SESTD1: variants seen among roughly 807,000 people sequenced by gnomAD.
SESTD1 encodes SEC14 and spectrin domain containing 1, also known as SEC14 domain and spectrin repeat-containing protein 1.
SESTD1 carries 43 observed loss-of-function variants against 101.7 expected under a neutral mutation model. The observed-to-expected ratio is 0.42, with a 90% CI of 0.33 to 0.55. SESTD1 has a LOEUF of 0.55. SESTD1 is among the 20% of genes least tolerant of loss of function. The pLI is 0.07. For synonymous variants in SESTD1, 283 were observed against 286.8 expected (o/e 0.99, Z 0.13); for missense variants, 647 against 815.1 (o/e 0.79, Z 2.51).
In SESTD1 at chr2:179,201,134, AAAG is replaced by A. The variant is rs1243775569; in HGVS notation, c.-25-9271_-25-9269del. Among the ~76,000 whole-genome samples, 22 of 135,142 alleles carry A rather than the reference AAAG, an allele frequency of 1.6e-4. 4 individuals are homozygous for A. Among genetic ancestry groups the A allele is most frequent in the Non-Finnish European group, 3.2e-5 (2 of 62,928 alleles). 88.7% of individuals were successfully genotyped at this position (135,142 alleles called of 152,430 possible). On this transcript the variant is annotated intron_variant, in intron 1 of 17. Transcript: ENST00000428443. The stretch of plus-strand genomic sequence containing the variant: ...GAAGGACATGAACAGACACTTCTCA[AAAG>A]AAGACATTAATGCAGCCAAAAAACA...
At chr2:179,222,589 A>C in intron 1 of SESTD1, among the ~76,000 whole-genome samples, 1 of 152,178 alleles carries the variant, frequency 6.6e-6, no homozygotes, top group East Asian at 1.9e-4. Flanking sequence ...TTATATTCCA[A>C]GAATATTCTT....
In SESTD1 at chr2:179,120,666, G is replaced by C. The variant is rs530703466; in HGVS notation, c.1442+1104C>G. Among the ~76,000 whole-genome samples the C allele has an allele frequency of 1.2e-4, 19 of 152,324 alleles. 1 individual carries two copies. The highest frequency in any genetic ancestry group is 4.6e-4 in the African/African-American group (19 of 41,554). ...TTCTCTGAACTTTAAGTAAGATACA[G>C]CATTTATTACGTTGGTAATGCTGGT... On this transcript the variant is annotated intron_variant, in intron 13 of 17. Transcript: ENST00000428443.
At chr2:179,225,430 T>C (rs556562657) in intron 1 of SESTD1, among the ~76,000 whole-genome samples, 6 of 152,212 alleles carry the variant, frequency 3.9e-5, no homozygotes, top group Non-Finnish European at 5.9e-5. Context: ...TTTAAAGATA[T>C]GACATTAAGG....
intron 1 of SESTD1, among the ~76,000 whole-genome samples, chr2:179,261,203 T>G (rs1225315681): frequency 6.6e-6 from 1 of 152,204 alleles, no homozygotes; most frequent in African/African-American, 2.4e-5. Context: ...TATTTGAAAA[T>G]GCGTAATAAA....
chr2:179,192,722 C>A (rs77085942), intron 1 of SESTD1, among the ~76,000 whole-genome samples: 13,943 of 152,210 alleles, frequency 0.092, 2,107 homozygotes, highest in African/African-American at 0.32. Context: ...GCCCAGTATA[C>A]CATCAAATTT....
chr2:179,213,223 C>T lies in SESTD1; in HGVS notation c.-25-21357G>A, dbSNP rs577683685. Among the ~76,000 whole-genome samples the T allele has an allele frequency of 2.5e-3, 334 of 134,564 alleles. 70 individuals carry two copies. Among genetic ancestry groups the T allele is most frequent in the Non-Finnish European group, 4.2e-3 (261 of 62,626 alleles). The allele number at this position is 134,564 out of a possible 152,430, so 88.3% of individuals were successfully genotyped here. On this transcript the variant is annotated intron_variant, in intron 1 of 17. Transcript: ENST00000428443. Reference sequence around the variant, plus strand: ...TCCGAGCTAAAGGGGCATGTTCTAACCCATCGCAAGGAAGCTAAAATTCTT... The same window carrying T: ...TCCGAGCTAAAGGGGCATGTTCTAATCCATCGCAAGGAAGCTAAAATTCTT...
chr2:179,227,281 A>G (rs1259537224), intron 1 of SESTD1, among the ~76,000 whole-genome samples: 3 of 152,144 alleles, frequency 2.0e-5, no homozygotes, highest in African/African-American at 7.2e-5. Context: ...ATTCACTATT[A>G]CCCCCCACCT....
chr2:179,124,257 T>C, intron 11 of SESTD1, 107 bp downstream of exon 11: 1 of 1,029,404 alleles, frequency 9.7e-7, no homozygotes, highest in Non-Finnish European at 1.4e-6. Flanking sequence ...ATTCATTTTA[T>C]TGGTTCAGAA....
At chr2:179,201,250 A>G (rs573150009) in intron 1 of SESTD1, among the ~76,000 whole-genome samples, 12,670 of 131,346 alleles carry the variant, frequency 0.096, 4,130 homozygotes, top group African/African-American at 0.38. Flanking sequence ...TCAGAATGGC[A>G]ATCATTAAAA....
chr2:179,138,668 C>A (rs79466044), intron 9 of SESTD1, among the ~76,000 whole-genome samples: 1,735 of 152,088 alleles, frequency 0.011, 34 homozygotes, highest in African/African-American at 0.04. Context: ...AATACTTCTG[C>A]AGCCTGGGAA....
rs754675307 is a variant in SESTD1 at position 179,102,167 on chromosome 2, C to T, written c.*7732G>A. On this transcript the variant is annotated 3_prime_UTR_variant, in exon 18 of 18. Transcript: ENST00000428443. ...AGAACCTATTTCTGACAACATGAGA[C>T]GTAGAGAAAGCACTGAACTTCTGTG... The T allele has an allele frequency of 2.0e-5, 3 of 152,162 alleles. No homozygotes were observed. The highest frequency in any genetic ancestry group is 2.1e-4 in the South Asian group (1 of 4,824). 9.4% of individuals were successfully genotyped at this position (152,162 alleles called of 1,614,324 possible). A position where few individuals can be genotyped will look rare whatever the true frequency, so the allele number is the denominator to read the frequency against.
chr2:179,231,460 A>G (rs1339915348), intron 1 of SESTD1, among the ~76,000 whole-genome samples: 1 of 152,030 alleles, frequency 6.6e-6, no homozygotes, highest in African/African-American at 2.4e-5. Context: ...ACATTTAAAA[A>G]AGGCATAAAC....
intron 16 of SESTD1, 26 bp from the exon 17 acceptor site, chr2:179,112,871 A>T: frequency 6.3e-7 from 1 of 1,596,986 alleles, no homozygotes; most frequent in Non-Finnish European, 8.5e-7. Flanking sequence ...GAGCAACATC[A>T]ATCAAGAGAC....
intron 13 of SESTD1, among the ~76,000 whole-genome samples, chr2:179,118,805 T>C (rs1396002007): frequency 6.6e-6 from 1 of 152,190 alleles, no homozygotes; most frequent in East Asian, 1.9e-4. Flanking sequence ...TTTGCAGAGA[T>C]GTTATAAGTA....
chr2:179,113,551 A>T (rs1231388129), intron 16 of SESTD1, among the ~76,000 whole-genome samples: 1 of 152,198 alleles, frequency 6.6e-6, no homozygotes, highest in Admixed American at 6.5e-5. Context: ...TCATTTTTAC[A>T]ACTTTTTTTT....
At chr2:179,172,013 AT>A in intron 5 of SESTD1, 106 bp downstream of exon 5, 1 of 583,156 alleles carries the variant, frequency 1.7e-6, no homozygotes, top group East Asian at 2.9e-5. Flanking sequence ...CTAATTAAGC[AT>A]TCCTTAAGCA....
intron 1 of SESTD1, among the ~76,000 whole-genome samples, chr2:179,254,453 T>G (rs115487028): frequency 0.043 from 6,592 of 152,246 alleles, 170 homozygotes; most frequent in Middle Eastern, 0.099. Context: ...CTGCAAAACC[T>G]AACTTTAAAC....
intron 1 of SESTD1, among the ~76,000 whole-genome samples, chr2:179,248,898 T>C (rs2047272170): frequency 6.7e-6 from 1 of 148,622 alleles, no homozygotes; most frequent in African/African-American, 2.5e-5. Context: ...CTGGTCAACG[T>C]AGGGAAACCC....
chr2:179,259,079 G>C (rs2047442190), intron 1 of SESTD1, among the ~76,000 whole-genome samples: 1 of 152,172 alleles, frequency 6.6e-6, no homozygotes, highest in African/African-American at 2.4e-5. Context: ...AGGACTGGGG[G>C]AGTCCACCAA....
Sources: allele counts gnomAD v4.1 joint callset (sites outside exome capture counted in the v4.1 genomes callset), GRCh38; gene constraint gnomAD v4.1.1; transcripts MANE v1.5; gene names NCBI Gene and HGNC (gene_info 2026-07-23, HGNC 2026-07-21).